The following NRXN1 variants were observed in gnomAD, a reference collection of about 807,000 sequenced individuals.
NRXN1 encodes neurexin-1.
Under a neutral mutation model 150.9 loss-of-function variants are expected in NRXN1, and 39 were observed. The observed-to-expected ratio is 0.26, with a 90% CI of 0.20 to 0.34. The LOEUF (loss-of-function observed/expected upper bound fraction) is 0.34, where lower values mean the gene tolerates loss of function less well. Ranked by LOEUF, NRXN1 falls within the 10% of genes least tolerant of loss-of-function variation. The pLI is 1.00. For missense variants in NRXN1, 1,815 were observed against 1,949.9 expected, an observed-to-expected ratio of 0.93 and a Z score of 1.30; for synonymous variants, 924 against 757.0, an observed-to-expected ratio of 1.22 and a Z score of -3.62.
At chr2:50,584,177 AC>A (rs2103696347) in intron 8 of NRXN1, among the ~76,000 whole-genome samples, 1 of 152,326 alleles carries the variant, frequency 6.6e-6, no homozygotes, top group East Asian at 1.9e-4. Flanking sequence ...AAATAATTTC[AC>A]CATAAATCCC....
chr2:50,765,312 A>G (rs1702257568), intron 5 of NRXN1, among the ~76,000 whole-genome samples: 1 of 152,032 alleles, frequency 6.6e-6, no homozygotes, highest in African/African-American at 2.4e-5. Flanking sequence ...TACCAGGTTA[A>G]CCATTAAGAG....
At chr2:50,539,113 T>C (rs892717449) in intron 9 of NRXN1, among the ~76,000 whole-genome samples, 3 of 141,720 alleles carry the variant, frequency 2.1e-5, no homozygotes, top group African/African-American at 8.3e-5. Context: ...ATTACCTATG[T>C]CAAAACCTGA....
chr2:50,525,503 T>G (rs1372058524), intron 12 of NRXN1, among the ~76,000 whole-genome samples: 12 of 152,198 alleles, frequency 7.9e-5, no homozygotes, highest in Non-Finnish European at 2.9e-5. Context: ...TTCATTTCTG[T>G]GCTCACCTTG....
chr2:50,962,517 GGTTTGTTTGTTT>G (rs4031417), intron 2 of NRXN1, among the ~76,000 whole-genome samples: 44 of 149,532 alleles, frequency 2.9e-4, no homozygotes, highest in East Asian at 1.8e-3. Context: ...CCAAGTGCTT[GGTTTGTTTGTTT>G]GTTTGTTTGT....
chr2:50,510,684 G>A (rs2092421062), intron 12 of NRXN1, among the ~76,000 whole-genome samples: 1 of 152,082 alleles, frequency 6.6e-6, no homozygotes, highest in Non-Finnish European at 1.5e-5. Context: ...TATAGTTAAA[G>A]AAGCAGATTT....
intron 18 of NRXN1, among the ~76,000 whole-genome samples, chr2:50,149,245 G>A (rs886442597): frequency 6.6e-6 from 1 of 151,670 alleles, no homozygotes; most frequent in African/African-American, 2.4e-5. Flanking sequence ...TGCGCTGCCT[G>A]CTTATGAAAG....
At chr2:50,239,755 A>C (rs2065843685) in intron 17 of NRXN1, among the ~76,000 whole-genome samples, 1 of 138,190 alleles carries the variant, frequency 7.2e-6, no homozygotes, top group African/African-American at 2.7e-5. Flanking sequence ...CCAGGCAGTC[A>C]AGAAAAAGTT....
At chr2:50,999,260 T>C (rs891024832) in intron 2 of NRXN1, among the ~76,000 whole-genome samples, 1 of 152,114 alleles carries the variant, frequency 6.6e-6, no homozygotes, top group African/African-American at 2.4e-5. Flanking sequence ...CTCTCACTTA[T>C]CCATTTATTT....
At chr2:50,495,200 G>C (rs1383456908) in intron 15 of NRXN1, among the ~76,000 whole-genome samples, 1 of 152,096 alleles carries the variant, frequency 6.6e-6, no homozygotes, top group African/African-American at 2.4e-5. Context: ...CACAAAATGT[G>C]ATTCAAATAG....
At chr2:50,923,152 T>C (rs979245924) in intron 3 of NRXN1, among the ~76,000 whole-genome samples, 1 of 151,786 alleles carries the variant, frequency 6.6e-6, no homozygotes. Flanking sequence ...CATTTTATAA[T>C]TAAATGAAGA....
chr2:50,342,323 T>C (rs2077607005), intron 17 of NRXN1, among the ~76,000 whole-genome samples: 1 of 152,236 alleles, frequency 6.6e-6, no homozygotes, highest in South Asian at 2.1e-4. Context: ...TTAAGTGATA[T>C]AACATTTTGT....
rs565766610 is a variant in NRXN1, at chr2:50,081,655, T to C, written c.3718+9668A>G. Among the ~76,000 whole-genome samples the C allele has an allele frequency of 4.2e-3, 641 of 152,350 alleles. 5 individuals carry two copies. The highest frequency in any genetic ancestry group is 0.015 in the African/African-American group (618 of 41,588). On this transcript the variant is annotated intron_variant, in intron 19 of 22. Coordinates refer to ENST00000401669, the MANE Select transcript of NRXN1 (RefSeq NM_001330078.2). ...TGAAAATCATGAGACTTGTTCATAG[T>C]TGACATTCAAATAATGACATTAAAG...
intron 5 of NRXN1, among the ~76,000 whole-genome samples, chr2:50,672,195 A>G (rs1201513539): frequency 6.6e-6 from 1 of 151,872 alleles, no homozygotes; most frequent in East Asian, 1.9e-4. Context: ...GATTTTTTAC[A>G]CAGCAATTCA....
chr2:50,990,908 G>C (rs533426263), intron 2 of NRXN1, among the ~76,000 whole-genome samples: 1 of 151,966 alleles, frequency 6.6e-6, no homozygotes, highest in Non-Finnish European at 1.5e-5. Flanking sequence ...ACAGAGCAAA[G>C]AATAAAAGGA....
chr2:50,356,064 CA>C (rs539688200), intron 17 of NRXN1, among the ~76,000 whole-genome samples: 84 of 143,046 alleles, frequency 5.9e-4, no homozygotes, highest in Admixed American at 6.3e-4. Flanking sequence ...TTCCATACTT[CA>C]AAAAAAAAAA....
chr2:50,586,307 T>C (rs1673086652), intron 8 of NRXN1, among the ~76,000 whole-genome samples: 2 of 152,044 alleles, frequency 1.3e-5, no homozygotes, highest in Non-Finnish European at 2.9e-5. Context: ...TAAAAATAAT[T>C]GCCACCATCT....
intron 15 of NRXN1, among the ~76,000 whole-genome samples, chr2:50,479,988 A>G (rs1187569176): frequency 2.0e-5 from 3 of 152,012 alleles, no homozygotes; most frequent in East Asian, 3.9e-4. Flanking sequence ...TGGCCAGGCT[A>G]GTCTCAAACT....
At chr2:50,204,908 T>C (rs1291211587) in intron 18 of NRXN1, among the ~76,000 whole-genome samples, 1 of 152,082 alleles carries the variant, frequency 6.6e-6, no homozygotes, top group Non-Finnish European at 1.5e-5. Flanking sequence ...ACTTCTGGTG[T>C]TATTCCTACT....
At chr2:50,020,284 A>G (rs564174923) in intron 21 of NRXN1, among the ~76,000 whole-genome samples, 1 of 152,104 alleles carries the variant, frequency 6.6e-6, no homozygotes, top group Non-Finnish European at 1.5e-5. Context: ...AAATGGTTTT[A>G]CTCTTTGTTA....
Sources: gnomAD v4.1 joint callset for allele counts (sites outside exome capture counted in the v4.1 genomes callset) on GRCh38, gnomAD v4.1.1 for gene constraint, MANE v1.5 for transcripts, NCBI Gene and HGNC (gene_info 2026-07-23, HGNC 2026-07-21) for gene names.